The following TNS1 variants were observed in gnomAD, a reference collection of about 807,000 sequenced individuals.
The protein encoded by TNS1 is tensin-1.
Under a neutral mutation model 168.6 loss-of-function variants are expected in TNS1, and 62 were observed. That is an observed-to-expected ratio of 0.37 (90% CI 0.30 to 0.45). The LOEUF (loss-of-function observed/expected upper bound fraction) is 0.45. Among genes scored for constraint, TNS1 ranks in the 20% least tolerant of loss-of-function variants. The pLI is 1.00. For missense variants in TNS1, 2,240 were observed against 2,339.4 expected (o/e 0.96, Z 0.88); for synonymous variants, 934 against 933.2 (o/e 1.00, Z -0.02).
chr2:217,882,361 G>T lies in TNS1; in HGVS notation c.1297C>A (p.Pro433Thr). Reference protein sequence around the residue: ...GKVEFVFSYGPEKIQGMEHLE... With the variant: ...GKVEFVFSYGTEKIQGMEHLE... ...CGGCTTATACCTTGAATTTTCTCTG[G>T]CCCATAAGAAAATACAAACTCCACT... The change falls in exon 17 of 33, where the codon CCA (proline) becomes ACA (threonine). Residue 433 changes from proline (P) to threonine (T), a missense_variant. This residue lies in a region of TNS1 where 2,131 missense variants were observed against 2,171.2 expected (regional missense o/e 0.98). Transcript: ENST00000682258. 6.2e-7 allele frequency: 1 copy of T among 1,602,882 alleles called. No individual in the cohort carries two copies. The highest frequency in any genetic ancestry group is 8.5e-7 in the Non-Finnish European group (1 of 1,175,196).
At chr2:217,811,041 G>C (rs1208525533) in intron 28 of TNS1, among the ~76,000 whole-genome samples, 1 of 152,074 alleles carries the variant, frequency 6.6e-6, no homozygotes, top group Non-Finnish European at 1.5e-5. Flanking sequence ...ACCATGCCTG[G>C]ATAATTTTTT....
intron 12 of TNS1, among the ~76,000 whole-genome samples, chr2:217,888,723 G>A (rs927914003): frequency 4.6e-5 from 7 of 152,190 alleles, no homozygotes; most frequent in Non-Finnish European, 2.9e-5. Flanking sequence ...CACCATGTGA[G>A]ATTTGCCTTT....
upstream of TNS1, among the ~76,000 whole-genome samples, chr2:218,014,473 C>A (rs1162923587): frequency 2.0e-5 from 3 of 152,166 alleles, no homozygotes; most frequent in African/African-American, 7.2e-5. Flanking sequence ...AACTGCCCAA[C>A]CATATACAAG....
chr2:217,899,267 G>A (rs56270562), intron 7 of TNS1, among the ~76,000 whole-genome samples: 9,964 of 152,260 alleles, frequency 0.065, 435 homozygotes, highest in Non-Finnish European at 0.098. Context: ...GCACCCAGAG[G>A]TAAGGAGCCC....
chr2:217,978,986 G>A lies in TNS1; in HGVS notation c.149-184C>T. ...AGGGGAGCGGCTGCCGGGCCTGCGG[G>A]GCGGGAGTGCCCGGGACTGAGGACC... is the stretch of plus-strand genomic sequence containing the variant. On this transcript the variant is annotated intron_variant, in intron 2 of 32. Coordinates refer to ENST00000682258, the MANE Select transcript of TNS1 (RefSeq NM_001387777.1). The A allele has an allele frequency of 6.6e-6, 4 of 601,506 alleles. No individual in the cohort carries two copies. The Admixed American group carries it at 7.3e-5, about 11-fold the overall frequency. 37.3% of individuals were successfully genotyped at this position (601,506 alleles called of 1,614,324 possible). A position where few individuals can be genotyped will look rare whatever the true frequency, so the allele number is the denominator to read the frequency against.
chr2:217,863,967 G>A (rs1251074942), intron 18 of TNS1, among the ~76,000 whole-genome samples: 2 of 152,150 alleles, frequency 1.3e-5, no homozygotes, highest in Non-Finnish European at 2.9e-5. Flanking sequence ...CAGGGCCATC[G>A]GAGCAGGACA....
chr2:217,998,478 C>T (rs960684996), intron 1 of TNS1, among the ~76,000 whole-genome samples: 101 of 152,182 alleles, frequency 6.6e-4, no homozygotes, highest in African/African-American at 2.3e-3. Context: ...CAATGACGCC[C>T]TGCGCTGGAG....
chr2:217,808,169 C>T (rs1939563679), intron 31 of TNS1, 62 bp from the exon 32 acceptor site: 1 of 1,590,656 alleles, frequency 6.3e-7, no homozygotes, highest in Non-Finnish European at 8.6e-7. Context: ...CCCAGCCCCA[C>T]CCATGCCCAG....
rs778216731 is a variant in TNS1 at position 217,848,315 on chromosome 2, A to G, written c.2202T>C (p.Tyr734=). ...GGAACATACCGCTGGGGTCATGGGCATAGTGGGAGGTGGTCACTGGCTGTG... is the reference window on the plus strand; with the variant it reads ...GGAACATACCGCTGGGGTCATGGGCGTAGTGGGAGGTGGTCACTGGCTGTG... The part of the protein sequence containing the change: ...AWPQPVTTSH[Y]AHDPSGMFRS... The change falls in exon 19 of 33, where the codon TAT becomes TAC. Residue 734 remains tyrosine, a synonymous_variant. Coordinates refer to ENST00000682258, the MANE Select transcript of TNS1 (RefSeq NM_001387777.1). The G allele has an allele frequency of 1.2e-5, 18 of 1,537,124 alleles. No individual in the cohort carries two copies. In the East Asian group the frequency reaches 3.9e-4, roughly 33 times the overall value.
At chr2:217,949,925 G>A (rs1157157676) in intron 3 of TNS1, among the ~76,000 whole-genome samples, 1 of 152,130 alleles carries the variant, frequency 6.6e-6, no homozygotes, top group Non-Finnish European at 1.5e-5. Flanking sequence ...TACAGCAAAA[G>A]GTCTAAAATT....
intron 9 of TNS1, among the ~76,000 whole-genome samples, chr2:217,894,419 G>A (rs1401233198): frequency 6.6e-6 from 1 of 152,242 alleles, no homozygotes; most frequent in East Asian, 1.9e-4. Context: ...CACTTTGGGA[G>A]GCCAAGGTGG....
intron 2 of TNS1, among the ~76,000 whole-genome samples, chr2:217,982,098 G>T (rs2081777): frequency 0.33 from 50,895 of 152,104 alleles, 8,879 homozygotes; most frequent in East Asian, 0.53. Flanking sequence ...CACTTGCTCT[G>T]GGGGAAGCCA....
At chr2:218,002,792 G>A (rs1194690982) in intron 1 of TNS1, 48 bp downstream of exon 1, 17 of 456,334 alleles carry the variant, frequency 3.7e-5, no homozygotes, top group Non-Finnish European at 4.8e-5. Context: ...GGTGGGGGGC[G>A]GGGGGTTTGA....
chr2:217,986,214 G>A lies in TNS1; in HGVS notation c.148+4728C>T, dbSNP rs1559401188. Among the ~76,000 whole-genome samples, 2 of 152,218 alleles carry A rather than the reference G, an allele frequency of 1.3e-5. No homozygotes were observed. Among genetic ancestry groups the A allele is most frequent in the East Asian group, 3.9e-4 (2 of 5,180 alleles). On this transcript the variant is annotated intron_variant, in intron 2 of 32. Coordinates refer to ENST00000682258, the MANE Select transcript of TNS1 (RefSeq NM_001387777.1). The surrounding 1 kb of genome is among the most constrained non-coding windows in gnomAD (Gnocchi z 4.7). Reference sequence around the variant, plus strand: ...GCTCCAAGGAGGCCCTCAGACACAGGGCAGAAGCTAGGTTCCCCAGTGAAG... The same window carrying A: ...GCTCCAAGGAGGCCCTCAGACACAGAGCAGAAGCTAGGTTCCCCAGTGAAG...
rs1252898284 is a variant in TNS1, at chr2:217,893,530, G to T, written c.626C>A (p.Thr209Asn). Reference sequence around the variant, plus strand: ...GCTGCAGATCTTCTCCAGGGCTGGGGTGTGGAGGTCGGGCCAGCCAAATTC... The same window carrying T: ...GCTGCAGATCTTCTCCAGGGCTGGGTTGTGGAGGTCGGGCCAGCCAAATTC... ...VLEFGWPDLH[T>N]PALEKICSIC... Residue 209 changes from threonine (T) to asparagine (N), a missense_variant, in exon 10 of 33, where the codon ACC becomes AAC. Around this residue, in one of 2 missense-constraint regions of TNS1, gnomAD observed 2,131 missense variants for 2,171.2 expected, o/e 0.98. Coordinates refer to ENST00000682258, the MANE Select transcript of TNS1 (RefSeq NM_001387777.1). The T allele has an allele frequency of 6.2e-7, 1 of 1,613,200 alleles. No individual in the cohort carries two copies.
chr2:218,010,686 G>C (rs1958698537), upstream of TNS1, among the ~76,000 whole-genome samples: 1 of 151,874 alleles, frequency 6.6e-6, no homozygotes, highest in Non-Finnish European at 1.5e-5. Flanking sequence ...AGCCGCGGGA[G>C]CCGGGGCGGC....
intron 19 of TNS1, chr2:217,842,191 T>C (rs1559213061): frequency 1.4e-6 from 1 of 698,992 alleles, no homozygotes. Flanking sequence ...TCGGTGACAT[T>C]GCCCAGTGCT....
chr2:217,966,411 T>C (rs1390343171), intron 3 of TNS1, among the ~76,000 whole-genome samples: 2 of 152,150 alleles, frequency 1.3e-5, no homozygotes, highest in African/African-American at 2.4e-5. Context: ...CAAGAGAAAG[T>C]AGCTTCTCCC....
In TNS1 at chr2:217,810,294, G is replaced by A. The variant is rs773897026; in HGVS notation, c.5058C>T (p.Ser1686=). 1.2e-6 allele frequency: 2 copies of A among 1,614,184 alleles called. No homozygotes were observed. Among genetic ancestry groups the A allele is most frequent in the South Asian group, 2.2e-5 (2 of 91,078 alleles). ...NRDPTDESKD[S]SGPANSTADL... The stretch of plus-strand genomic sequence containing the variant: ...CTGCAGTTGAGTTGGCAGGGCCGGA[G>A]CTATCTTTCGATTCATCTGTGGGGT... The change falls in exon 29 of 33, where the codon AGC becomes AGT. Residue 1686 remains serine (S), a synonymous_variant. Coordinates refer to ENST00000682258, the MANE Select transcript of TNS1 (RefSeq NM_001387777.1).
Sources: gnomAD v4.1 joint callset for allele counts (sites outside exome capture counted in the v4.1 genomes callset) on GRCh38, gnomAD v4.1.1 for gene constraint, gnomAD v4.1.1 regional missense constraint, Gnocchi (gnomAD v3.1) non-coding constraint, MANE v1.5 for transcripts, NCBI Gene and HGNC (gene_info 2026-07-23, HGNC 2026-07-21) for gene names.